The following CPEB3 variants were observed in gnomAD, a reference collection of about 807,000 sequenced individuals.
The protein encoded by CPEB3 is cytoplasmic polyadenylation element binding protein 3.
In CPEB3, 20 loss-of-function variants were observed where a neutral mutation model predicts 67.2. That is an observed-to-expected ratio of 0.30 (90% CI 0.21 to 0.43). The LOEUF is 0.43. CPEB3 is among the 20% of genes least tolerant of loss of function. CPEB3 has a pLI of 1.00. For synonymous variants in CPEB3, 376 were observed against 393.1 expected, an observed-to-expected ratio of 0.96 and a Z score of 0.51; for missense variants, 746 against 968.6, an observed-to-expected ratio of 0.77 and a Z score of 3.05.
chr10:92,053,580 C>T (rs1230955921), intron 9 of CPEB3, among the ~76,000 whole-genome samples: 1 of 136,648 alleles, frequency 7.3e-6, no homozygotes, highest in Admixed American at 8.1e-5. Context: ...CTTGCTCTGT[C>T]GCCCAGGCTG....
At position 92,195,046 on chromosome 10, in the gene CPEB3, AACACAC is replaced by A. The variant is rs371911549; in HGVS notation, c.1006-2416_1006-2411del. On this transcript the variant is annotated intron_variant, in intron 2 of 9. Transcript: ENST00000265997. ...GCGACAGAGCGAGACTGTCTCAAAA[AACACAC>A]ACACACACACACACACACACACACA... Among the ~76,000 whole-genome samples, 767 of 117,142 alleles carry A rather than the reference AACACAC, an allele frequency of 6.5e-3. 6 individuals are homozygous for A. Among genetic ancestry groups the A allele is most frequent in the African/African-American group, 0.021 (720 of 35,046 alleles). 76.8% of individuals were successfully genotyped at this position (117,142 alleles called of 152,430 possible). A position where few individuals can be genotyped will look rare whatever the true frequency, so the allele number is the denominator to read the frequency against.
chr10:92,286,156 C>T (rs1436840739), intron 1 of CPEB3, among the ~76,000 whole-genome samples: 9 of 152,024 alleles, frequency 5.9e-5, no homozygotes, highest in African/African-American at 1.7e-4. Context: ...AGGATGGTTT[C>T]GATCTCCTGA....
At chr10:92,056,122 C>T (rs1842101834) in intron 9 of CPEB3, among the ~76,000 whole-genome samples, 1 of 152,188 alleles carries the variant, frequency 6.6e-6, no homozygotes. Context: ...GGGCAGTCTT[C>T]CAGATGAGCG....
intron 9 of CPEB3, among the ~76,000 whole-genome samples, chr10:92,075,946 T>C (rs767378348): frequency 6.6e-6 from 1 of 152,250 alleles, no homozygotes; most frequent in African/African-American, 2.4e-5. Context: ...CCTTCCACAC[T>C]GTACACAAGA....
At chr10:92,142,523 G>A (rs754785126) in intron 6 of CPEB3, among the ~76,000 whole-genome samples, 3 of 152,144 alleles carry the variant, frequency 2.0e-5, no homozygotes, top group Non-Finnish European at 4.4e-5. Context: ...AAGGTCATAT[G>A]GAGTGTCTTT....
chr10:92,173,756 C>A (rs72807247), intron 4 of CPEB3, among the ~76,000 whole-genome samples: 1 of 152,076 alleles, frequency 6.6e-6, no homozygotes, highest in Non-Finnish European at 1.5e-5. Context: ...CTCTTAGGTC[C>A]CTTACCATGT....
chr10:92,284,314 T>C (rs1404438305), intron 1 of CPEB3, among the ~76,000 whole-genome samples: 2 of 150,048 alleles, frequency 1.3e-5, no homozygotes, highest in Non-Finnish European at 3.0e-5. Context: ...TGGGATTACA[T>C]GCATGAGCCA....
In CPEB3 at chr10:92,153,712, C is replaced by A. The variant is rs560860582; in HGVS notation, c.1223-8627G>T. 2.2e-4 allele frequency among the ~76,000 whole-genome samples: 34 copies of A among 152,154 alleles called. No individual in the cohort carries two copies. In the South Asian group the frequency reaches 7.1e-3, roughly 32 times the overall value. On this transcript the variant is annotated intron_variant, in intron 4 of 9. Coordinates refer to ENST00000265997, the MANE Select transcript of CPEB3 (RefSeq NM_014912.5). ...AGGCGAATTGCTTGAACTTGGGAGG[C>A]GGAGGCTGCAGTGAGCCAAGATTGC...
Position 92,051,397 on chromosome 10 carries a change from G to C in CPEB3, c.*815C>G, listed in dbSNP as rs1027651965. ...ACCGAAGCTTTCTGAAGTCTATTCTGATCTCCGTTCGGCAGCTGACTCTAT... is the reference window on the plus strand; with the variant it reads ...ACCGAAGCTTTCTGAAGTCTATTCTCATCTCCGTTCGGCAGCTGACTCTAT... On this transcript the variant is annotated 3_prime_UTR_variant, in exon 10 of 10. Coordinates refer to ENST00000265997, the MANE Select transcript of CPEB3 (RefSeq NM_014912.5). The C allele has an allele frequency of 6.6e-6, 1 of 152,562 alleles. No homozygotes were observed. The highest frequency in any genetic ancestry group is 2.4e-5 in the African/African-American group (1 of 41,426). The allele number at this position is 152,562 out of a possible 1,614,324, so 9.5% of individuals were successfully genotyped here. A position where few individuals can be genotyped will look rare whatever the true frequency, so the allele number is the denominator to read the frequency against.
chr10:92,181,848 T>C (rs1848475449), intron 3 of CPEB3, among the ~76,000 whole-genome samples: 1 of 152,240 alleles, frequency 6.6e-6, no homozygotes, highest in Non-Finnish European at 1.5e-5. Flanking sequence ...CCCTGGTCTA[T>C]AAGATGTTAA....
intron 4 of CPEB3, among the ~76,000 whole-genome samples, chr10:92,177,666 T>C (rs1439761269): frequency 6.6e-6 from 1 of 152,228 alleles, no homozygotes; most frequent in African/African-American, 2.4e-5. Context: ...CTTCATTTTC[T>C]GTCTTCTAGA....
At chr10:92,156,661 C>T (rs1436948038) in intron 4 of CPEB3, among the ~76,000 whole-genome samples, 2 of 152,056 alleles carry the variant, frequency 1.3e-5, no homozygotes, top group Admixed American at 6.6e-5. Context: ...AAGTATGGTA[C>T]AAAATATGTC....
At chr10:92,203,685 G>C (rs1013580164) in intron 2 of CPEB3, among the ~76,000 whole-genome samples, 11 of 151,946 alleles carry the variant, frequency 7.2e-5, no homozygotes, top group African/African-American at 2.7e-4. Flanking sequence ...GCCTCCCAAA[G>C]TGCTGGGATT....
chr10:92,123,813 GC>G (rs1438910742), intron 6 of CPEB3, among the ~76,000 whole-genome samples: 3 of 152,044 alleles, frequency 2.0e-5, no homozygotes, highest in African/African-American at 7.2e-5. Flanking sequence ...TTTTTTCTGT[GC>G]CAGTCTTCTC....
In CPEB3 at chr10:92,208,052, G is replaced by A. The variant is rs557541195; in HGVS notation, c.1006-15416C>T. Among the ~76,000 whole-genome samples the A allele has an allele frequency of 1.8e-3, 275 of 152,294 alleles. 1 individual carries two copies. The highest frequency in any genetic ancestry group is 6.4e-3 in the African/African-American group (267 of 41,562). ...AAGTAGGATAGGGTATCCTAAGCAA[G>A]GCTCAAAAGAACACCTTGGTGAGGT... is the stretch of plus-strand genomic sequence containing the variant. On this transcript the variant is annotated intron_variant, in intron 2 of 9. Coordinates refer to ENST00000265997, the MANE Select transcript of CPEB3 (RefSeq NM_014912.5).
At chr10:92,187,445 T>C (rs1369628593) in intron 3 of CPEB3, among the ~76,000 whole-genome samples, 2 of 152,238 alleles carry the variant, frequency 1.3e-5, no homozygotes, top group African/African-American at 4.8e-5. Context: ...ACTATTTTTC[T>C]GCTGTAAGAG....
intron 1 of CPEB3, among the ~76,000 whole-genome samples, chr10:92,276,281 T>C (rs1396172971): frequency 6.8e-6 from 1 of 146,314 alleles, no homozygotes; most frequent in African/African-American, 2.5e-5. Context: ...TCTTTTCTTT[T>C]TTTTTTTTTT....
intron 2 of CPEB3, among the ~76,000 whole-genome samples, chr10:92,203,298 C>G (rs1043118458): frequency 6.8e-6 from 1 of 147,732 alleles, no homozygotes; most frequent in Non-Finnish European, 1.5e-5. Flanking sequence ...ATGACACTTC[C>G]GGTAAATCAT....
intron 6 of CPEB3, chr10:92,137,510 T>C: frequency 1.0e-6 from 1 of 952,700 alleles, no homozygotes; most frequent in East Asian, 2.4e-5. Context: ...CCTTCTGATG[T>C]GCTTGAGGTG....
Sources: gnomAD v4.1 joint callset for allele counts (sites outside exome capture counted in the v4.1 genomes callset) on GRCh38, gnomAD v4.1.1 for gene constraint, MANE v1.5 for transcripts, NCBI Gene and HGNC (gene_info 2026-07-23, HGNC 2026-07-21) for gene names.